Variants in DGKI observed in about 807,000 individuals in gnomAD.
DGKI encodes diacylglycerol kinase iota.
Under a neutral mutation model 147.5 loss-of-function variants are expected in DGKI, and 55 were observed. The ratio of observed to expected loss-of-function variants is 0.37; its 90% CI spans 0.30 to 0.47. The LOEUF is 0.47. DGKI is among the 20% of genes least tolerant of loss of function. DGKI has a pLI of 1.00. For synonymous variants in DGKI, 469 were observed against 477.1 expected, an observed-to-expected ratio of 0.98 and a Z score of 0.22; for missense variants, 1,007 against 1,323.8, an observed-to-expected ratio of 0.76 and a Z score of 3.71.
chr7:137,595,572 A>T (rs1177190728), intron 12 of DGKI, among the ~76,000 whole-genome samples: 2 of 152,094 alleles, frequency 1.3e-5, no homozygotes, highest in African/African-American at 4.8e-5. Context: ...ACATTTCACA[A>T]GTGTGTGGAC....
At chr7:137,607,884 C>T (rs900075081) in intron 10 of DGKI, among the ~76,000 whole-genome samples, 9 of 152,320 alleles carry the variant, frequency 5.9e-5, no homozygotes, top group Admixed American at 4.6e-4. Flanking sequence ...TTTGCTTACA[C>T]AAATTTCTTT....
intron 28 of DGKI, among the ~76,000 whole-genome samples, chr7:137,434,286 G>C (rs947331937): frequency 5.9e-5 from 9 of 151,948 alleles, no homozygotes; most frequent in Non-Finnish European, 1.2e-4. Context: ...TTTTAATAAA[G>C]AGTATTCCCG....
chr7:137,846,912 C>A lies in DGKI; in HGVS notation c.-50G>T, dbSNP rs1280649179. The stretch of plus-strand genomic sequence containing the variant: ...TTGTGGGAAACTCCGCTCACTCCCC[C>A]GCCCCGGCCAATCAGAGGCCGCCGC... On this transcript the variant is annotated 5_prime_UTR_variant, in exon 1 of 33. Coordinates refer to ENST00000614521, the MANE Select transcript of DGKI (RefSeq NM_001321708.2). The surrounding 1 kb of genome is among the most constrained non-coding windows in gnomAD (Gnocchi z 4.0). The A allele has an allele frequency of 1.2e-5, 13 of 1,106,916 alleles. No individual in the cohort carries two copies. The African/African-American group carries it at 1.3e-4, about 11-fold the overall frequency. 68.6% of individuals were successfully genotyped at this position (1,106,916 alleles called of 1,614,324 possible). A position where few individuals can be genotyped will look rare whatever the true frequency, so the allele number is the denominator to read the frequency against.
intron 20 of DGKI, among the ~76,000 whole-genome samples, chr7:137,551,329 AC>A (rs1483466061): frequency 2.0e-5 from 3 of 152,128 alleles, no homozygotes; most frequent in African/African-American, 7.2e-5. Context: ...GAATGAGGGC[AC>A]CTGTGTTGCT....
At chr7:137,419,575 G>A (rs1434369896) in intron 28 of DGKI, among the ~76,000 whole-genome samples, 1 of 152,180 alleles carries the variant, frequency 6.6e-6, no homozygotes, top group Non-Finnish European at 1.5e-5. Flanking sequence ...ATCAAACACA[G>A]CAAAGGTAAT....
chr7:137,457,808 A>T (rs1585132992), intron 27 of DGKI, among the ~76,000 whole-genome samples: 1 of 152,300 alleles, frequency 6.6e-6, no homozygotes, highest in East Asian at 1.9e-4. Flanking sequence ...GTTCACATGT[A>T]AAAAATGAAG....
At chr7:137,668,517 G>A (rs1259584925) in intron 3 of DGKI, among the ~76,000 whole-genome samples, 2 of 152,184 alleles carry the variant, frequency 1.3e-5, no homozygotes, top group East Asian at 3.9e-4. Context: ...GCACCTCATT[G>A]AACTCATTCA....
intron 30 of DGKI, among the ~76,000 whole-genome samples, chr7:137,406,468 C>T (rs892930266): frequency 6.6e-6 from 1 of 152,146 alleles, no homozygotes; most frequent in African/African-American, 2.4e-5. Context: ...ATGCTGTCAT[C>T]GCAGCCCTCC....
chr7:137,536,914 T>TAA (rs146669017), intron 20 of DGKI, among the ~76,000 whole-genome samples: 2 of 147,666 alleles, frequency 1.4e-5, no homozygotes, highest in Non-Finnish European at 3.0e-5. Context: ...CAAAACAAAT[T>TAA]AAAAAAAAAA....
intron 28 of DGKI, among the ~76,000 whole-genome samples, chr7:137,430,617 A>C (rs1813030513): frequency 6.6e-6 from 1 of 152,102 alleles, no homozygotes; most frequent in African/African-American, 2.4e-5. Context: ...TAATATGTAT[A>C]TACTTATACA....
chr7:137,397,329 T>C lies in DGKI; in HGVS notation c.2957+48A>G, dbSNP rs756905088. On this transcript the variant is annotated intron_variant, in intron 31 of 32. Coordinates refer to ENST00000614521, the MANE Select transcript of DGKI (RefSeq NM_001321708.2). ...ATAGATTACATTCTTCTCCCAGATA[T>C]GTTCTGAAGAAAATAACCTAGACTA... 3 of 1,548,112 alleles carry C rather than the reference T, an allele frequency of 1.9e-6. No individual in the cohort carries two copies. In the South Asian group the frequency reaches 3.5e-5, roughly 18 times the overall value.
At chr7:137,689,539 G>A (rs1382504211) in intron 2 of DGKI, among the ~76,000 whole-genome samples, 9 of 152,156 alleles carry the variant, frequency 5.9e-5, no homozygotes, top group Admixed American at 5.9e-4. Context: ...CTCAAGCTGA[G>A]GAAATCAAAA....
chr7:137,773,147 C>A (rs542755781), intron 1 of DGKI, among the ~76,000 whole-genome samples: 8 of 152,288 alleles, frequency 5.3e-5, no homozygotes, highest in African/African-American at 1.4e-4. Context: ...CCATGATTCA[C>A]GGAACACTCC....
chr7:137,636,897 C>A (rs548061848), intron 6 of DGKI, among the ~76,000 whole-genome samples: 1 of 152,334 alleles, frequency 6.6e-6, no homozygotes, highest in South Asian at 2.1e-4. Flanking sequence ...CTCCTTCCCC[C>A]TGCACCACGA....
chr7:137,615,775 C>A (rs140174338), intron 8 of DGKI, among the ~76,000 whole-genome samples: 35 of 152,180 alleles, frequency 2.3e-4, no homozygotes, highest in African/African-American at 8.2e-4. Flanking sequence ...AATGACTTTT[C>A]TCCTTGTTTT....
chr7:137,702,744 C>T (rs1334167171), intron 1 of DGKI, among the ~76,000 whole-genome samples: 1 of 152,202 alleles, frequency 6.6e-6, no homozygotes, highest in Non-Finnish European at 1.5e-5. Flanking sequence ...GCTCAGACAA[C>T]TGTCGTAATG....
intron 20 of DGKI, among the ~76,000 whole-genome samples, chr7:137,523,899 A>C (rs1478891938): frequency 6.8e-6 from 1 of 146,418 alleles, no homozygotes; most frequent in African/African-American, 2.8e-5. Context: ...CATAGCCACT[A>C]AGTAGCAGTG....
chr7:137,677,024 T>A (rs1823060028), intron 3 of DGKI, among the ~76,000 whole-genome samples: 1 of 152,188 alleles, frequency 6.6e-6, no homozygotes, highest in African/African-American at 2.4e-5. Context: ...TTATCTTACA[T>A]CCCAGGACCA....
intron 2 of DGKI, among the ~76,000 whole-genome samples, chr7:137,683,105 C>T (rs966112011): frequency 6.6e-6 from 1 of 152,046 alleles, no homozygotes; most frequent in Non-Finnish European, 1.5e-5. Flanking sequence ...TTACTATACG[C>T]TGGACAGTGC....
Sources: gnomAD v4.1 joint callset for allele counts (sites outside exome capture counted in the v4.1 genomes callset) on GRCh38, gnomAD v4.1.1 for gene constraint, Gnocchi (gnomAD v3.1) non-coding constraint, MANE v1.5 for transcripts, NCBI Gene and HGNC (gene_info 2026-07-23, HGNC 2026-07-21) for gene names.